Variants in CCDC170 observed in about 807,000 individuals in gnomAD.
CCDC170 encodes coiled-coil domain-containing protein 170.
CCDC170 carries 69 observed loss-of-function variants against 72.6 expected under a neutral mutation model. The ratio of observed to expected loss-of-function variants is 0.95; its 90% CI spans 0.78 to 1.16. The LOEUF is 1.16. Among genes scored for constraint, CCDC170 ranks in the 50% most tolerant of loss-of-function variants. The pLI is 0.00. For synonymous variants in CCDC170, 300 were observed against 303.9 expected, an observed-to-expected ratio of 0.99 and a Z score of 0.13; for missense variants, 852 against 832.5, an observed-to-expected ratio of 1.02 and a Z score of -0.29.
chr6:151,620,899 T>G lies in CCDC170; in HGVS notation c.*2752T>G, dbSNP rs1190260714. ...CCATAGTGGTTAGTACTGTAATTTC[T>G]GTTTATTACATGAAATTACATTCCA... On this transcript the variant is annotated 3_prime_UTR_variant, in exon 11 of 11. Coordinates refer to ENST00000239374, the MANE Select transcript of CCDC170 (RefSeq NM_025059.4). 6.6e-6 allele frequency: 1 copy of G among 152,230 alleles called. No homozygotes were observed. The highest frequency in any genetic ancestry group is 1.5e-5 in the Non-Finnish European group (1 of 68,034). 9.4% of individuals were successfully genotyped at this position (152,230 alleles called of 1,614,324 possible).
chr6:151,605,470 G>T (rs2115132556), intron 9 of CCDC170, among the ~76,000 whole-genome samples: 1 of 152,290 alleles, frequency 6.6e-6, no homozygotes, highest in Middle Eastern at 3.4e-3. Flanking sequence ...CTTCAGTCAG[G>T]TTAAAGAGCT....
rs542694226 is a variant in CCDC170, at chr6:151,618,377, T to A, written c.*230T>A. ...ACTAGCATTTTAGGATCCAGAAGAA[T>A]TCCACCAGATTGCATGAGTTAGATT... On this transcript the variant is annotated 3_prime_UTR_variant, in exon 11 of 11. Transcript: ENST00000239374. 185 of 504,060 alleles carry A rather than the reference T, an allele frequency of 3.7e-4. 2 individuals are homozygous for A. In the South Asian group the frequency reaches 5.2e-3, roughly 14 times the overall value. 31.2% of individuals were successfully genotyped at this position (504,060 alleles called of 1,614,324 possible). A position where few individuals can be genotyped will look rare whatever the true frequency, so the allele number is the denominator to read the frequency against.
At chr6:151,576,666 C>G (rs1776308084) in intron 6 of CCDC170, among the ~76,000 whole-genome samples, 1 of 152,158 alleles carries the variant, frequency 6.6e-6, no homozygotes, top group African/African-American at 2.4e-5. Flanking sequence ...GCTGCCCTCC[C>G]TATTTAAAAG....
At chr6:151,523,682 T>C (rs1330553775) in intron 1 of CCDC170, among the ~76,000 whole-genome samples, 2 of 137,032 alleles carry the variant, frequency 1.5e-5, no homozygotes, top group Non-Finnish European at 1.5e-5. Context: ...TAAGACTCTG[T>C]CTCAAAAAAA....
chr6:151,538,192 T>C lies in CCDC170; in HGVS notation c.334T>C (p.Ser112Pro). 2 of 1,613,958 alleles carry C rather than the reference T, an allele frequency of 1.2e-6. No homozygotes were observed. The highest frequency in any genetic ancestry group is 1.7e-6 in the Non-Finnish European group (2 of 1,179,918). Reference sequence around the variant, plus strand: ...CAGAGTTCAGGAACTAGAAGAAGAATCAGCAGCACTTTCCACTTCTAAAAT... The same window carrying C: ...CAGAGTTCAGGAACTAGAAGAAGAACCAGCAGCACTTTCCACTTCTAAAAT... ...RDRVQELEEE[S>P]AALSTSKIRT... Residue 112 changes from serine to proline, a missense_variant, in exon 3 of 11, where the codon TCA becomes CCA. Ser to Pro is a moderately conservative substitution (Grantham distance 74, BLOSUM62 -1). Coordinates refer to ENST00000239374, the MANE Select transcript of CCDC170 (RefSeq NM_025059.4).
At chr6:151,586,676 A>G (rs1776455155) in intron 7 of CCDC170, among the ~76,000 whole-genome samples, 1 of 152,132 alleles carries the variant, frequency 6.6e-6, no homozygotes, top group South Asian at 2.1e-4. Context: ...GGCAAGAGAA[A>G]AGACTGGAAT....
intron 5 of CCDC170, among the ~76,000 whole-genome samples, chr6:151,554,117 T>G (rs1360050789): frequency 6.6e-6 from 1 of 152,236 alleles, no homozygotes; most frequent in Non-Finnish European, 1.5e-5. Context: ...TAGTAGTTCA[T>G]ATTGAAGTAT....
rs544545767 is a variant in CCDC170, at chr6:151,521,330, G to C, written c.58-14988G>C. ...TTGTTATCCTTCTGATAAGTAATGA[G>C]AGTTGCTAAGCACTACAGTATAAGA... is the stretch of plus-strand genomic sequence containing the variant. On this transcript the variant is annotated intron_variant, in intron 1 of 10. Transcript: ENST00000239374. 2.0e-5 allele frequency among the ~76,000 whole-genome samples: 3 copies of C among 152,282 alleles called. No homozygotes were observed. In the East Asian group the frequency reaches 5.8e-4, roughly 29 times the overall value.
intron 9 of CCDC170, among the ~76,000 whole-genome samples, chr6:151,610,748 G>A (rs1006974918): frequency 2.0e-5 from 3 of 152,210 alleles, no homozygotes; most frequent in African/African-American, 7.2e-5. Context: ...CTTAGTGGGT[G>A]CCATTTCCCT....
At chr6:151,561,306 T>C (rs1428056469) in intron 5 of CCDC170, among the ~76,000 whole-genome samples, 1 of 152,186 alleles carries the variant, frequency 6.6e-6, no homozygotes, top group Non-Finnish European at 1.5e-5. Flanking sequence ...AATTGCTTCA[T>C]AGGGTCTGTG....
intron 1 of CCDC170, among the ~76,000 whole-genome samples, chr6:151,516,023 G>A (rs568371800): frequency 1.6e-3 from 239 of 150,808 alleles, no homozygotes; most frequent in Middle Eastern, 3.5e-3. Flanking sequence ...CTGAGATCGC[G>A]CCACTGCACT....
intron 1 of CCDC170, among the ~76,000 whole-genome samples, chr6:151,522,469 C>G (rs1782335192): frequency 6.6e-6 from 1 of 152,158 alleles, no homozygotes; most frequent in Non-Finnish European, 1.5e-5. Flanking sequence ...TGCTCAACCC[C>G]AACTCATTCC....
rs556156712 is a variant in CCDC170, at chr6:151,586,116, G to A, written c.1293+27G>A. On this transcript the variant is annotated intron_variant, in intron 7 of 10. Transcript: ENST00000239374. ...TAATGACCCGAGGGCATGTCCATGAGTGGAAGCATCTGTTGTAGTATAAAA... is the reference window on the plus strand; with the variant it reads ...TAATGACCCGAGGGCATGTCCATGAATGGAAGCATCTGTTGTAGTATAAAA... 4 of 1,608,078 alleles carry A rather than the reference G, an allele frequency of 2.5e-6. No homozygotes were observed. The Admixed American group carries it at 5.0e-5, about 20-fold the overall frequency.
chr6:151,614,019 T>C (rs1467792485), intron 9 of CCDC170, among the ~76,000 whole-genome samples: 1 of 152,240 alleles, frequency 6.6e-6, no homozygotes, highest in East Asian at 1.9e-4. Flanking sequence ...CTGTCTTTTT[T>C]ATTTTAGCCA....
At chr6:151,508,669 C>G (rs1196339321) in intron 1 of CCDC170, among the ~76,000 whole-genome samples, 4 of 151,804 alleles carry the variant, frequency 2.6e-5, no homozygotes, top group African/African-American at 9.7e-5. Flanking sequence ...GCTGAGATCA[C>G]ACCACTGCAC....
chr6:151,575,525 CT>C (rs869185539), intron 6 of CCDC170, among the ~76,000 whole-genome samples: 3 of 79,670 alleles, frequency 3.8e-5, no homozygotes, highest in African/African-American at 5.2e-5. Context: ...TCTTTTCTTT[CT>C]TTTTTTTTTT....
chr6:151,522,511 C>T (rs372912311), intron 1 of CCDC170, among the ~76,000 whole-genome samples: 43 of 152,258 alleles, frequency 2.8e-4, no homozygotes, highest in African/African-American at 9.6e-4. Flanking sequence ...CCCTGACTGG[C>T]GCCAAAGTAC....
At chr6:151,592,360 AAAAT>A (rs918827008) in intron 7 of CCDC170, among the ~76,000 whole-genome samples, 3 of 152,074 alleles carry the variant, frequency 2.0e-5, no homozygotes, top group East Asian at 1.9e-4. Flanking sequence ...ACTCTGTCTC[AAAAT>A]AAATAAATAA....
chr6:151,544,852 A>G, intron 4 of CCDC170, 136 bp downstream of exon 4: 1 of 755,858 alleles, frequency 1.3e-6, no homozygotes, highest in Non-Finnish European at 2.1e-6. Context: ...AATTAACTGT[A>G]TGACTTGGGA....
Sources: gnomAD v4.1 joint callset for allele counts (sites outside exome capture counted in the v4.1 genomes callset) on GRCh38, gnomAD v4.1.1 for gene constraint, MANE v1.5 for transcripts, NCBI Gene and HGNC (gene_info 2026-07-23, HGNC 2026-07-21) for gene names.